Variants in UNC13C observed in about 807,000 individuals in gnomAD.
UNC13C encodes unc-13 homolog C.
A neutral mutation model predicts 245.4 loss-of-function variants in UNC13C; 174 were observed. The observed-to-expected ratio is 0.71, with a 90% CI of 0.63 to 0.80. UNC13C has a LOEUF of 0.80. Ranked by LOEUF, UNC13C falls within the 30% of genes least tolerant of loss-of-function variation. The probability of loss-of-function intolerance (pLI) is 0.00; values close to 1 mark genes in which losing one functional copy is unlikely to be tolerated. For synonymous variants in UNC13C, 992 were observed against 895.1 expected, an observed-to-expected ratio of 1.11 and a Z score of -1.93; for missense variants, 2,829 against 2,602.9, an observed-to-expected ratio of 1.09 and a Z score of -1.89.
intron 4 of UNC13C, among the ~76,000 whole-genome samples, chr15:54,197,409 G>C (rs1321897585): frequency 6.6e-6 from 1 of 151,266 alleles, no homozygotes; most frequent in Non-Finnish European, 1.5e-5. Context: ...GTTGCAGTGA[G>C]CCAAGATCAC....
At chr15:54,614,267 G>T (rs562339005) in intron 30 of UNC13C, among the ~76,000 whole-genome samples, 4 of 151,800 alleles carry the variant, frequency 2.6e-5, no homozygotes, top group African/African-American at 9.7e-5. Context: ...AACTTGGGTC[G>T]TTGCTAATAC....
At chr15:54,613,364 C>G (rs1425688352) in intron 30 of UNC13C, among the ~76,000 whole-genome samples, 1 of 151,650 alleles carries the variant, frequency 6.6e-6, no homozygotes, top group Non-Finnish European at 1.5e-5. Context: ...CTATTATTTA[C>G]TAAATATTAA....
At chr15:54,482,293 G>C (rs532466742) in intron 19 of UNC13C, among the ~76,000 whole-genome samples, 1 of 152,084 alleles carries the variant, frequency 6.6e-6, no homozygotes, top group African/African-American at 2.4e-5. Context: ...TGAGGCCTGG[G>C]CTCTCAAAAT....
intron 4 of UNC13C, among the ~76,000 whole-genome samples, chr15:54,182,799 A>C (rs1250571490): frequency 6.6e-6 from 1 of 152,096 alleles, no homozygotes; most frequent in East Asian, 1.9e-4. Context: ...AACTTTAGGA[A>C]AGATAGAAAA....
chr15:54,539,057 C>T (rs1896125524), intron 26 of UNC13C, among the ~76,000 whole-genome samples: 1 of 151,960 alleles, frequency 6.6e-6, no homozygotes, highest in Non-Finnish European at 1.5e-5. Context: ...TTATTTAGTG[C>T]ATTTCTTTTT....
intron 30 of UNC13C, among the ~76,000 whole-genome samples, chr15:54,609,063 A>G (rs1899934777): frequency 6.6e-6 from 1 of 152,198 alleles, no homozygotes; most frequent in Non-Finnish European, 1.5e-5. Context: ...TCTCAGCCAA[A>G]TGTTCTGAAC....
At chr15:54,348,230 G>C (rs1041711596) in intron 17 of UNC13C, among the ~76,000 whole-genome samples, 1 of 151,952 alleles carries the variant, frequency 6.6e-6, no homozygotes, top group African/African-American at 2.4e-5. Flanking sequence ...TAAAAAATTC[G>C]GTATGGTCTC....
At chr15:54,151,185 G>A (rs2032498765) in intron 4 of UNC13C, among the ~76,000 whole-genome samples, 2 of 152,058 alleles carry the variant, frequency 1.3e-5, no homozygotes, top group South Asian at 4.1e-4. Flanking sequence ...TTAGAAAATA[G>A]GTCCATCCAT....
intron 19 of UNC13C, among the ~76,000 whole-genome samples, chr15:54,455,687 C>G (rs555451583): frequency 6.6e-6 from 1 of 151,874 alleles, no homozygotes; most frequent in East Asian, 1.9e-4. Context: ...TGAACTTAGC[C>G]TGATTTTTGA....
At chr15:54,232,743 G>A (rs969287337) in intron 4 of UNC13C, among the ~76,000 whole-genome samples, 2 of 152,070 alleles carry the variant, frequency 1.3e-5, no homozygotes, top group African/African-American at 2.4e-5. Context: ...TGATTAATAG[G>A]TACTGTAATG....
At chr15:53,904,881 C>G in the UNC13C span, among the ~76,000 whole-genome samples, 1 of 152,002 alleles carries the variant, frequency 6.6e-6, no homozygotes, top group Non-Finnish European at 1.5e-5. Context: ...AATATTAGTT[C>G]CAACCTAGAG....
chr15:54,500,859 C>G lies in UNC13C; in HGVS notation c.5182C>G (p.Leu1728Val), dbSNP rs1894177902. ...DGFQQTSEHA[L>V]FSCSVVDVFA... ...GTTCCAGCAGACATCTGAGCATGCT[C>G]TCTTTTCTTGCTCCGTGGTTGATGT... Residue 1728 changes from leucine to valine, a missense_variant, in exon 22 of 33, where the codon CTC becomes GTC. Leu to Val is a conservative substitution (Grantham distance 32). Transcript: ENST00000260323. 1 of 1,612,970 alleles carries G rather than the reference C, an allele frequency of 6.2e-7. No individual in the cohort carries two copies. Among genetic ancestry groups the G allele is most frequent in the South Asian group, 1.1e-5 (1 of 91,042 alleles).
chr15:54,067,483 A>G (rs372382951), intron 2 of UNC13C, among the ~76,000 whole-genome samples: 27 of 152,332 alleles, frequency 1.8e-4, no homozygotes, highest in East Asian at 9.6e-4. Flanking sequence ...TATTTCAGTC[A>G]ATAAGTCATG....
At chr15:54,334,998 A>G (rs1296840453) in intron 16 of UNC13C, among the ~76,000 whole-genome samples, 1 of 151,816 alleles carries the variant, frequency 6.6e-6, no homozygotes, top group African/African-American at 2.4e-5. Flanking sequence ...AAATAGGAGG[A>G]AAGAAAGAGG....
At chr15:53,909,994 CTT>C in the UNC13C span, among the ~76,000 whole-genome samples, 16 of 124,630 alleles carry the variant, frequency 1.3e-4, no homozygotes, top group South Asian at 2.9e-4. Context: ...AGTGGAAATA[CTT>C]TTTTTTTTTT....
chr15:54,266,926 T>C (rs1051813003), intron 10 of UNC13C, among the ~76,000 whole-genome samples: 1 of 152,080 alleles, frequency 6.6e-6, no homozygotes, highest in Non-Finnish European at 1.5e-5. Flanking sequence ...CTTTGTGTGG[T>C]TCTATTCATT....
At chr15:54,486,141 GGCT>G (rs770612162) in intron 19 of UNC13C, among the ~76,000 whole-genome samples, 35 of 152,008 alleles carry the variant, frequency 2.3e-4, no homozygotes, top group Non-Finnish European at 3.5e-4. Context: ...CGGGCATGGT[GGCT>G]CATGCCCATA....
rs114614916 is a variant in UNC13C, at chr15:54,047,350, C to T, written c.2983+31464C>T. Among the ~76,000 whole-genome samples the T allele has an allele frequency of 2.5e-3, 377 of 152,068 alleles. 2 individuals carry two copies. The highest frequency in any genetic ancestry group is 8.9e-3 in the African/African-American group (371 of 41,528). On this transcript the variant is annotated intron_variant, in intron 2 of 32. Coordinates refer to ENST00000260323, the MANE Select transcript of UNC13C (RefSeq NM_001080534.3). Reference sequence around the variant, plus strand: ...ATGTTGAGCAACCATCATTACCATTCATTTTCAGAATTTGTTCATCCCAAG... The same window carrying T: ...ATGTTGAGCAACCATCATTACCATTTATTTTCAGAATTTGTTCATCCCAAG...
intron 6 of UNC13C, 32 bp downstream of exon 6, chr15:54,236,467 T>A: frequency 6.3e-7 from 1 of 1,579,904 alleles, no homozygotes; most frequent in Non-Finnish European, 8.6e-7. Flanking sequence ...TAATTAATAT[T>A]TTGCAGTCTT....
Sources: gnomAD v4.1 joint callset for allele counts (sites outside exome capture counted in the v4.1 genomes callset) on GRCh38, gnomAD v4.1.1 for gene constraint, MANE v1.5 for transcripts, NCBI Gene and HGNC (gene_info 2026-07-23, HGNC 2026-07-21) for gene names.